Variants in ZNF704 observed in about 807,000 individuals in gnomAD.
ZNF704 encodes glucocorticoid induced gene 1.
A neutral mutation model predicts 44.7 loss-of-function variants in ZNF704; 10 were observed. The observed-to-expected ratio is 0.22, with a 90% CI of 0.14 to 0.38. The LOEUF (loss-of-function observed/expected upper bound fraction) is 0.38, where lower values mean the gene tolerates loss of function less well. Among genes scored for constraint, ZNF704 ranks in the 10% least tolerant of loss-of-function variants. The probability of loss-of-function intolerance (pLI) is 1.00; values close to 1 mark genes in which losing one functional copy is unlikely to be tolerated. For synonymous variants in ZNF704, 211 were observed against 207.6 expected (o/e 1.02, Z -0.14); for missense variants, 390 against 545.5 (o/e 0.71, Z 2.84).
chr8:80,757,281 GC>G (rs1340684762), intron 2 of ZNF704, among the ~76,000 whole-genome samples: 1 of 151,960 alleles, frequency 6.6e-6, no homozygotes, highest in African/African-American at 2.4e-5. Context: ...CCTTGTATAG[GC>G]CCAGGCTAAT....
chr8:80,831,956 T>C (rs1207122390), intron 1 of ZNF704, among the ~76,000 whole-genome samples: 4 of 152,218 alleles, frequency 2.6e-5, no homozygotes, highest in African/African-American at 4.8e-5. Flanking sequence ...CATATTGTAC[T>C]ACAATAGCTA....
chr8:80,871,236 A>G (rs1809247480), intron 1 of ZNF704, among the ~76,000 whole-genome samples: 1 of 152,112 alleles, frequency 6.6e-6, no homozygotes, highest in South Asian at 2.1e-4. Context: ...ATTGCTTAAA[A>G]CTTTTCAAAG....
At chr8:80,652,246 C>T (rs1167219979) in intron 7 of ZNF704, among the ~76,000 whole-genome samples, 2 of 151,778 alleles carry the variant, frequency 1.3e-5, no homozygotes, top group African/African-American at 2.4e-5. Flanking sequence ...CCTAACATCA[C>T]AATTAAAAGA....
intron 2 of ZNF704, among the ~76,000 whole-genome samples, chr8:80,708,218 AG>A (rs1457464245): frequency 6.6e-6 from 1 of 152,254 alleles, no homozygotes; most frequent in Non-Finnish European, 1.5e-5. Context: ...GAATATCCAC[AG>A]GCTGGACAAT....
intron 4 of ZNF704, 79 bp from the exon 5 acceptor site, chr8:80,670,682 T>C: frequency 9.5e-7 from 1 of 1,052,776 alleles, no homozygotes; most frequent in Admixed American, 1.9e-5. Context: ...AACATATTTT[T>C]TTCCTTCATT....
At chr8:80,668,654 C>T (rs1010960719) in intron 5 of ZNF704, among the ~76,000 whole-genome samples, 4 of 152,170 alleles carry the variant, frequency 2.6e-5, no homozygotes, top group Non-Finnish European at 5.9e-5. Context: ...CCCTGGTGTA[C>T]AAGAATGGAG....
At chr8:80,839,110 C>A (rs899917746) in intron 1 of ZNF704, among the ~76,000 whole-genome samples, 1 of 152,158 alleles carries the variant, frequency 6.6e-6, no homozygotes, top group Admixed American at 6.5e-5. Flanking sequence ...TTTTACCTTT[C>A]TTTTTTAAGA....
intron 1 of ZNF704, among the ~76,000 whole-genome samples, chr8:80,842,159 A>G (rs1808691842): frequency 6.6e-6 from 1 of 152,098 alleles, no homozygotes; most frequent in Non-Finnish European, 1.5e-5. Context: ...CCAGGAAAAG[A>G]GTCTTTGTTT....
intron 2 of ZNF704, among the ~76,000 whole-genome samples, chr8:80,807,717 CTAT>C (rs1461088931): frequency 6.6e-6 from 1 of 151,918 alleles, no homozygotes; most frequent in Non-Finnish European, 1.5e-5. Context: ...ATGTAGTATA[CTAT>C]TGTCTGATCC....
intron 1 of ZNF704, among the ~76,000 whole-genome samples, chr8:80,847,886 A>G (rs1808793007): frequency 6.6e-6 from 1 of 152,236 alleles, no homozygotes; most frequent in African/African-American, 2.4e-5. Context: ...TTATAAAACT[A>G]AACATGCACT....
chr8:80,764,680 A>G (rs980722587), intron 2 of ZNF704, among the ~76,000 whole-genome samples: 4 of 152,204 alleles, frequency 2.6e-5, no homozygotes, highest in African/African-American at 9.6e-5. Flanking sequence ...ATGCTGTCCA[A>G]CTGAAAGTTT....
chr8:80,829,662 A>T lies in ZNF704; in HGVS notation c.-21-8047T>A, dbSNP rs73262592. ...GCAAATAGAATACATTTCCTATAGA[A>T]ATACTGTTATAACTGTATGTCATGC... is the stretch of plus-strand genomic sequence containing the variant. On this transcript the variant is annotated intron_variant, in intron 1 of 8. Transcript: ENST00000327835. Among the ~76,000 whole-genome samples the T allele has an allele frequency of 6.0e-3, 907 of 152,328 alleles. 7 individuals carry two copies. The highest frequency in any genetic ancestry group is 0.02 in the African/African-American group (847 of 41,572).
At chr8:80,691,086 G>A (rs1818625707) in intron 3 of ZNF704, among the ~76,000 whole-genome samples, 1 of 151,882 alleles carries the variant, frequency 6.6e-6, no homozygotes, top group Non-Finnish European at 1.5e-5. Flanking sequence ...ACTGATTCAT[G>A]ACATTAATTT....
chr8:80,824,300 T>C (rs1563566737), intron 1 of ZNF704, among the ~76,000 whole-genome samples: 2 of 152,082 alleles, frequency 1.3e-5, no homozygotes, highest in Non-Finnish European at 2.9e-5. Context: ...CAGTAGCCGA[T>C]TTGATCAAGT....
At chr8:80,678,590 A>G (rs1818405347) in intron 4 of ZNF704, among the ~76,000 whole-genome samples, 1 of 152,218 alleles carries the variant, frequency 6.6e-6, no homozygotes, top group African/African-American at 2.4e-5. Flanking sequence ...ACATATGTAT[A>G]TTCATTCATC....
At chr8:80,717,368 G>A (rs189093019) in intron 2 of ZNF704, among the ~76,000 whole-genome samples, 60 of 152,358 alleles carry the variant, frequency 3.9e-4, no homozygotes, top group African/African-American at 1.4e-3. Context: ...CTGCATTCCT[G>A]AAGCTTATAT....
chr8:80,694,875 A>C (rs1818700647), intron 2 of ZNF704, among the ~76,000 whole-genome samples: 1 of 152,234 alleles, frequency 6.6e-6, no homozygotes, highest in South Asian at 2.1e-4. Flanking sequence ...AAATTCTTCT[A>C]TCAAAAGACA....
intron 2 of ZNF704, among the ~76,000 whole-genome samples, chr8:80,719,535 A>G (rs1208349306): frequency 6.6e-6 from 1 of 152,202 alleles, no homozygotes; most frequent in African/African-American, 2.4e-5. Flanking sequence ...GTCAATTATC[A>G]CAAAGCTTTA....
intron 2 of ZNF704, among the ~76,000 whole-genome samples, chr8:80,739,809 A>C (rs1389561421): frequency 6.6e-6 from 1 of 152,174 alleles, no homozygotes; most frequent in East Asian, 1.9e-4. Flanking sequence ...AGATTGTCCA[A>C]ATAGAAATAA....
Sources: allele counts gnomAD v4.1 joint callset (sites outside exome capture counted in the v4.1 genomes callset), GRCh38; gene constraint gnomAD v4.1.1; transcripts MANE v1.5; gene names NCBI Gene and HGNC (gene_info 2026-07-23, HGNC 2026-07-21).